Variants in MACROD2 observed in about 807,000 individuals in gnomAD.
MACROD2 encodes the protein ADP-ribose glycohydrolase MACROD2.
A neutral mutation model predicts 70.4 loss-of-function variants in MACROD2; 36 were observed. That is an observed-to-expected ratio of 0.51 (90% confidence interval 0.39 to 0.68). The LOEUF (loss-of-function observed/expected upper bound fraction) is 0.68, where lower values mean the gene tolerates loss of function less well. Among genes scored for constraint, MACROD2 ranks in the 30% least tolerant of loss-of-function variants. The pLI is 0.00. For missense variants in MACROD2, 496 were observed against 538.4 expected (o/e 0.92, Z 0.78); for synonymous variants, 172 against 178.8 (o/e 0.96, Z 0.30).
At chr20:15,271,449 A>G (rs1458569842) in intron 6 of MACROD2, among the ~76,000 whole-genome samples, 2 of 152,210 alleles carry the variant, frequency 1.3e-5, no homozygotes, top group African/African-American at 2.4e-5. Context: ...GCCATAGCAG[A>G]CAATCTCTTT....
At chr20:14,229,835 A>G (rs1479741348) in intron 3 of MACROD2, among the ~76,000 whole-genome samples, 2 of 152,212 alleles carry the variant, frequency 1.3e-5, no homozygotes, top group African/African-American at 2.4e-5. Flanking sequence ...TAGACAAACT[A>G]TGGTACACAG....
intron 9 of MACROD2, among the ~76,000 whole-genome samples, chr20:15,868,055 T>C (rs998610221): frequency 2.4e-4 from 37 of 152,216 alleles, no homozygotes; most frequent in African/African-American, 8.4e-4. Context: ...CTCCAGCAGA[T>C]AATTATTCAG....
intron 8 of MACROD2, among the ~76,000 whole-genome samples, chr20:15,602,894 GT>G (rs1164780824): frequency 1.1e-4 from 17 of 150,676 alleles, no homozygotes; most frequent in Admixed American, 9.9e-4. Flanking sequence ...AGTTCTTATA[GT>G]TTTTTTTTAA....
At chr20:15,398,696 T>C (rs1372472279) in intron 6 of MACROD2, among the ~76,000 whole-genome samples, 1 of 152,228 alleles carries the variant, frequency 6.6e-6, no homozygotes, top group African/African-American at 2.4e-5. Flanking sequence ...CTTTTTGCCG[T>C]CTTCATTGTG....
chr20:15,583,805 G>A (rs780179190), intron 8 of MACROD2, among the ~76,000 whole-genome samples: 9 of 152,028 alleles, frequency 5.9e-5, no homozygotes, highest in Non-Finnish European at 1.2e-4. Context: ...CACCACGCCC[G>A]GCTTTTTATA....
chr20:15,217,089 A>C (rs1456452010), intron 5 of MACROD2, among the ~76,000 whole-genome samples: 1 of 152,192 alleles, frequency 6.6e-6, no homozygotes, highest in Admixed American at 6.5e-5. Flanking sequence ...AAATGAGTTT[A>C]AGAGTGAGAA....
chr20:15,092,321 T>C (rs2123167901), intron 5 of MACROD2, among the ~76,000 whole-genome samples: 1 of 150,982 alleles, frequency 6.6e-6, no homozygotes, highest in African/African-American at 2.4e-5. Context: ...GGTACACACA[T>C]TTTCAAATAT....
chr20:15,626,699 A>G, intron 8 of MACROD2, among the ~76,000 whole-genome samples: 1 of 152,132 alleles, frequency 6.6e-6, no homozygotes, highest in East Asian at 1.9e-4. Flanking sequence ...TACTAAAAAT[A>G]CAAAAATTAG....
intron 3 of MACROD2, among the ~76,000 whole-genome samples, chr20:14,172,171 G>T (rs889591045): frequency 2.6e-5 from 4 of 152,034 alleles, no homozygotes; most frequent in Non-Finnish European, 5.9e-5. Context: ...CTTGCTTTTG[G>T]TGTCCATTTG....
chr20:15,795,454 A>G (rs6135526), intron 8 of MACROD2, among the ~76,000 whole-genome samples: 69,973 of 151,706 alleles, frequency 0.46, 16,731 homozygotes, highest in African/African-American at 0.6. Flanking sequence ...ACTCAGAGCC[A>G]AGGGGAGTGG....
At chr20:14,691,514 T>C (rs572182522) in intron 5 of MACROD2, among the ~76,000 whole-genome samples, 117 of 152,298 alleles carry the variant, frequency 7.7e-4, no homozygotes, top group African/African-American at 2.5e-3. Context: ...GTCGAGTCTC[T>C]CAAGGGAGAG....
intron 3 of MACROD2, among the ~76,000 whole-genome samples, chr20:14,283,499 G>T (rs1034418564): frequency 6.6e-6 from 1 of 152,064 alleles, no homozygotes; most frequent in Non-Finnish European, 1.5e-5. Context: ...GAGTGCCTTG[G>T]TTTTGCACTT....
At chr20:14,839,421 C>T (rs936327585) in intron 5 of MACROD2, among the ~76,000 whole-genome samples, 5 of 152,052 alleles carry the variant, frequency 3.3e-5, no homozygotes, top group African/African-American at 1.2e-4. Context: ...TTTGGAATAC[C>T]AGCATGTAAG....
intron 3 of MACROD2, among the ~76,000 whole-genome samples, chr20:14,120,213 C>CA (rs71190112): frequency 0.76 from 58,531 of 77,462 alleles, 22,570 homozygotes; most frequent in South Asian, 0.83. Flanking sequence ...GACTCCGTCT[C>CA]AAAAAAAAAA....
intron 3 of MACROD2, among the ~76,000 whole-genome samples, chr20:14,179,549 TAACA>T (rs1214890673): frequency 6.6e-6 from 1 of 152,192 alleles, no homozygotes; most frequent in Non-Finnish European, 1.5e-5. Flanking sequence ...TTTATTTACT[TAACA>T]AACAAATATT....
At chr20:15,931,695 G>A (rs1029627107) in intron 10 of MACROD2, among the ~76,000 whole-genome samples, 5 of 151,822 alleles carry the variant, frequency 3.3e-5, no homozygotes, top group Admixed American at 3.3e-4. Context: ...AAACGGCACA[G>A]GGCTAACCCA....
chr20:15,624,030 G>T (rs1039166513), intron 8 of MACROD2, among the ~76,000 whole-genome samples: 4 of 152,158 alleles, frequency 2.6e-5, no homozygotes, highest in Non-Finnish European at 5.9e-5. Context: ...GCCAGGAGTG[G>T]ATCAGTCTGA....
At chr20:15,831,240 G>A (rs2064053110) in intron 8 of MACROD2, among the ~76,000 whole-genome samples, 2 of 152,172 alleles carry the variant, frequency 1.3e-5, no homozygotes, top group South Asian at 2.1e-4. Context: ...TCATGAGGCT[G>A]AGCTGTGTTA....
intron 15 of MACROD2, among the ~76,000 whole-genome samples, chr20:16,011,712 C>T (rs2066865637): frequency 6.6e-6 from 1 of 151,888 alleles, no homozygotes; most frequent in South Asian, 2.1e-4. Context: ...GCCCTTGAGG[C>T]AAATTAGGCC....
Sources: gnomAD v4.1 joint callset for allele counts (sites outside exome capture counted in the v4.1 genomes callset) on GRCh38, gnomAD v4.1.1 for gene constraint, MANE v1.5 for transcripts, NCBI Gene and HGNC (gene_info 2026-07-23, HGNC 2026-07-21) for gene names.